Variants in LRGUK observed in about 807,000 individuals in gnomAD.
The protein encoded by LRGUK is leucine rich repeats and guanylate kinase domain containing.
In LRGUK, 65 loss-of-function variants were observed where a neutral mutation model predicts 76.0. That is an observed-to-expected ratio of 0.85 (90% CI 0.70 to 1.05). The LOEUF (loss-of-function observed/expected upper bound fraction) is 1.05, where lower values mean the gene tolerates loss of function less well. Ranked by LOEUF, LRGUK falls within the 50% of genes least tolerant of loss-of-function variation. The pLI is 0.00. For missense variants in LRGUK, 758 were observed against 732.8 expected (o/e 1.03, Z -0.40); for synonymous variants, 268 against 265.6 (o/e 1.01, Z -0.09).
At chr7:134,145,372 C>T (rs1317763660) in intron 4 of LRGUK, among the ~76,000 whole-genome samples, 3 of 151,992 alleles carry the variant, frequency 2.0e-5, no homozygotes, top group Non-Finnish European at 4.4e-5. Context: ...CTCAGCCTCC[C>T]GAGTAGCTGG....
the LRGUK span, among the ~76,000 whole-genome samples, chr7:134,272,048 A>G: frequency 6.6e-6 from 1 of 152,008 alleles, no homozygotes; most frequent in African/African-American, 2.4e-5. Flanking sequence ...ACAATCTTCA[A>G]TACAATGTTG....
intron 19 of LRGUK, among the ~76,000 whole-genome samples, chr7:134,262,024 T>C (rs1273332123): frequency 1.3e-5 from 2 of 152,234 alleles, no homozygotes; most frequent in East Asian, 3.8e-4. Context: ...TCATTCACTA[T>C]AGTATTTTAT....
chr7:134,245,803 CAAAA>C (rs1020032290), intron 16 of LRGUK, among the ~76,000 whole-genome samples: 39 of 151,894 alleles, frequency 2.6e-4, no homozygotes, highest in African/African-American at 9.2e-4. Context: ...ACAACAAACA[CAAAA>C]AATAAAGTAA....
chr7:134,167,539 G>A (rs1414679077), intron 7 of LRGUK, among the ~76,000 whole-genome samples: 6 of 152,110 alleles, frequency 3.9e-5, no homozygotes, highest in Non-Finnish European at 7.4e-5. Context: ...GTTCCACACC[G>A]TCTGACTTGG....
intron 10 of LRGUK, among the ~76,000 whole-genome samples, chr7:134,179,611 C>T (rs189030119): frequency 1.7e-4 from 26 of 152,272 alleles, no homozygotes; most frequent in African/African-American, 5.1e-4. Context: ...CATTTATCTC[C>T]TCATTGTATT....
At chr7:134,253,625 G>A (rs930614992) in intron 18 of LRGUK, among the ~76,000 whole-genome samples, 1 of 152,144 alleles carries the variant, frequency 6.6e-6, no homozygotes, top group Admixed American at 6.6e-5. Context: ...GACCAGCCTG[G>A]CCAACATGGC....
chr7:134,245,405 T>C (rs1802275001), intron 16 of LRGUK, among the ~76,000 whole-genome samples: 1 of 152,172 alleles, frequency 6.6e-6, no homozygotes, highest in African/African-American at 2.4e-5. Flanking sequence ...AGCTTCCTTC[T>C]GCATAAACAC....
chr7:134,172,397 C>T (rs929193141), intron 7 of LRGUK, among the ~76,000 whole-genome samples: 2 of 151,986 alleles, frequency 1.3e-5, no homozygotes, highest in African/African-American at 2.4e-5. Flanking sequence ...TTTAGTAGTT[C>T]CCTTTAGATC....
the LRGUK span, among the ~76,000 whole-genome samples, chr7:134,275,723 C>T: frequency 1.3e-5 from 2 of 152,260 alleles, no homozygotes; most frequent in Non-Finnish European, 2.9e-5. Context: ...TATGCTACCA[C>T]ATTAACCAGG....
chr7:134,167,905 G>A (rs1799063976), intron 7 of LRGUK, among the ~76,000 whole-genome samples: 1 of 152,086 alleles, frequency 6.6e-6, no homozygotes, highest in African/African-American at 2.4e-5. Flanking sequence ...TTTATCATTA[G>A]TACTTACTGT....
chr7:134,252,443 C>T (rs1291337595), intron 18 of LRGUK, among the ~76,000 whole-genome samples: 1 of 152,094 alleles, frequency 6.6e-6, no homozygotes, highest in Non-Finnish European at 1.5e-5. Context: ...AAGACAGTCC[C>T]AAGAACTCAG....
intron 6 of LRGUK, among the ~76,000 whole-genome samples, chr7:134,159,959 T>A (rs1798652132): frequency 6.6e-6 from 1 of 152,228 alleles, no homozygotes; most frequent in Non-Finnish European, 1.5e-5. Flanking sequence ...AAAACATAAA[T>A]GAAAATGCAT....
exon 4 of LRGUK, chr7:134,143,099 A>C: frequency 6.2e-7 from 1 of 1,610,254 alleles, no homozygotes. Context: ...ATCTCCTAGA[A>C]CTTAATGCTT....
exon 19 of LRGUK, chr7:134,258,298 G>C (rs756103676): frequency 3.1e-6 from 5 of 1,613,986 alleles, no homozygotes; most frequent in Non-Finnish European, 4.2e-6. Context: ...TCATTGTTTC[G>C]GTTCTGTCCG....
intron 15 of LRGUK, among the ~76,000 whole-genome samples, chr7:134,217,921 T>A (rs1266988213): frequency 6.6e-6 from 1 of 152,098 alleles, no homozygotes; most frequent in Non-Finnish European, 1.5e-5. Flanking sequence ...TTTTTTCCTT[T>A]GTTTAAAAAA....
chr7:134,137,215 G>A, intron 2 of LRGUK, 85 bp downstream of exon 2: 2 of 964,740 alleles, frequency 2.1e-6, no homozygotes, highest in Non-Finnish European at 3.2e-6. Context: ...CTTAGCTTTT[G>A]TGGTGACAGC....
intron 5 of LRGUK, among the ~76,000 whole-genome samples, chr7:134,150,761 T>C (rs1298768463): frequency 6.6e-6 from 1 of 152,170 alleles, no homozygotes. Context: ...ACATTTAGCT[T>C]TCCATGTAAA....
intron 16 of LRGUK, among the ~76,000 whole-genome samples, chr7:134,242,433 A>G (rs996348724): frequency 6.6e-5 from 10 of 152,248 alleles, no homozygotes; most frequent in African/African-American, 2.4e-4. Flanking sequence ...ACTTCTATGC[A>G]AATAAACTAG....
chr7:134,214,557 T>C (rs1350977428), downstream of LRGUK, among the ~76,000 whole-genome samples: 9 of 152,194 alleles, frequency 5.9e-5, no homozygotes, highest in Admixed American at 1.3e-4. Flanking sequence ...GTTGTCATTA[T>C]AATCATGTCA....
Sources: gnomAD v4.1 joint callset for allele counts (sites outside exome capture counted in the v4.1 genomes callset) on GRCh38, gnomAD v4.1.1 for gene constraint, MANE v1.5 for transcripts, NCBI Gene and HGNC (gene_info 2026-07-23, HGNC 2026-07-21) for gene names.